The following AXIN1 variants were observed in gnomAD, a reference collection of about 807,000 sequenced individuals.
AXIN1 encodes axin 1, also known as axin-1.
AXIN1 carries 30 observed loss-of-function variants against 76.4 expected under a neutral mutation model. The observed-to-expected ratio is 0.39, with a 90% CI of 0.29 to 0.53. AXIN1 has a LOEUF of 0.53. AXIN1 is among the 20% of genes least tolerant of loss of function. AXIN1 has a pLI of 0.66. For missense variants in AXIN1, 1,140 were observed against 1,198.8 expected, an observed-to-expected ratio of 0.95 and a Z score of 0.72; for synonymous variants, 545 against 501.4, an observed-to-expected ratio of 1.09 and a Z score of -1.16.
Position 288,182 on chromosome 16 carries a change from G to C in AXIN1, c.2529C>G (p.Asp843Glu), listed in dbSNP as rs775437317. ...CGVVFEEVRE[D>E]EAVLPVFEEK... is the part of the protein sequence containing the mutation. ...CCTCAAAGACGGGCAGGACGGCCTC[G>C]TCCTCTCGAACCTCCTCAAACACCA... is the stretch of plus-strand genomic sequence containing the variant. The change falls in exon 11 of 11, where the codon GAC becomes GAG. Residue 843 changes from aspartate to glutamate, a missense_variant. Around this residue, in one of 3 missense-constraint regions of AXIN1, gnomAD observed 429 missense variants for 405.8 expected, o/e 1.06. Transcript: ENST00000262320. 2.5e-6 allele frequency: 4 copies of C among 1,613,702 alleles called. No individual in the cohort carries two copies. The East Asian group carries it at 8.9e-5, about 36-fold the overall frequency.
In AXIN1 at chr16:333,492, A is replaced by G. The variant is rs538013220; in HGVS notation, c.878+12656T>C. Among the ~76,000 whole-genome samples the G allele has an allele frequency of 1.5e-3, 227 of 152,024 alleles. 1 individual carries two copies. The highest frequency in any genetic ancestry group is 2.8e-3 in the Non-Finnish European group (193 of 68,018). On this transcript the variant is annotated intron_variant, in intron 2 of 10. Coordinates refer to ENST00000262320, the MANE Select transcript of AXIN1 (RefSeq NM_003502.4). ...ATTTAAACTCCAGAATTAAAGGACAAGTTTCTTCAGCACGATGAAAGAAAA... is the reference window on the plus strand; with the variant it reads ...ATTTAAACTCCAGAATTAAAGGACAGGTTTCTTCAGCACGATGAAAGAAAA...
intron 2 of AXIN1, among the ~76,000 whole-genome samples, chr16:338,494 G>C (rs1297064501): frequency 6.6e-6 from 1 of 152,282 alleles, no homozygotes; most frequent in East Asian, 1.9e-4. Flanking sequence ...CTCGGTTCCA[G>C]AATCCTTTGG....
intron 2 of AXIN1, among the ~76,000 whole-genome samples, chr16:341,493 C>T (rs2053919825): frequency 1.3e-5 from 2 of 152,276 alleles, no homozygotes; most frequent in African/African-American, 4.8e-5. Flanking sequence ...TCTTAACTGC[C>T]TTCCTGCAGG....
At position 291,182 on chromosome 16, in the gene AXIN1, G is replaced by A. The variant is rs118063900; in HGVS notation, c.2294+8C>T. ...GCAGGACCGGGAGGACCCTCAGGAC[G>A]CACGTACTCTGTCTCGGAGAGCTCC... is the stretch of plus-strand genomic sequence containing the variant. On this transcript the variant is annotated splice_region_variant and intron_variant, in intron 9 of 10. Coordinates refer to ENST00000262320, the MANE Select transcript of AXIN1 (RefSeq NM_003502.4). The A allele has an allele frequency of 0.028, 44,688 of 1,572,316 alleles. 756 individuals are homozygous for A. Among genetic ancestry groups the A allele is most frequent in the Middle Eastern group, 0.043 (257 of 5,994 alleles).
At chr16:304,693 CCTGG>C (rs2052971709) in intron 4 of AXIN1, among the ~76,000 whole-genome samples, 1 of 152,056 alleles carries the variant, frequency 6.6e-6, no homozygotes, top group South Asian at 2.1e-4. Flanking sequence ...CGCCACCACG[CCTGG>C]CTAATTTTTG....
chr16:339,678 TAA>T (rs775195360), intron 2 of AXIN1, among the ~76,000 whole-genome samples: 3 of 137,288 alleles, frequency 2.2e-5, no homozygotes, highest in Non-Finnish European at 3.2e-5. Flanking sequence ...CAAGACTGTC[TAA>T]AAAAAAAAAA....
chr16:324,697 A>AG (rs997712736), intron 2 of AXIN1, among the ~76,000 whole-genome samples: 1 of 152,184 alleles, frequency 6.6e-6, no homozygotes, highest in South Asian at 2.1e-4. Context: ...CAGGAGGAGG[A>AG]GGGGCACCCC....
intron 5 of AXIN1, among the ~76,000 whole-genome samples, chr16:300,368 C>CTT (rs35422382): frequency 1.3e-4 from 20 of 149,194 alleles, no homozygotes; most frequent in African/African-American, 4.2e-4. Context: ...TTTTCTTTTT[C>CTT]TTTTTTTTTT....
chr16:289,212 A>AG (rs1418759687), intron 10 of AXIN1, among the ~76,000 whole-genome samples: 1 of 152,050 alleles, frequency 6.6e-6, no homozygotes, highest in African/African-American at 2.4e-5. Context: ...CAGCCTCCCA[A>AG]GTAGCACACC....
At position 293,712 on chromosome 16, in the gene AXIN1, C is replaced by G. The variant is rs746070749; in HGVS notation, c.1962G>C (p.Ser654=). Residue 654 remains serine, a synonymous_variant, in exon 8 of 11, where the codon TCG becomes TCC. Coordinates refer to ENST00000262320, the MANE Select transcript of AXIN1 (RefSeq NM_003502.4). This position sits in a 1 kb window ranked among gnomAD's most constrained non-coding sequence, Gnocchi z 4.6. ...SRHRRTGHGS[S]GTRKPQPHEN... ...CATGGGGCTGTGGCTTCCTCGTCCC[C>G]GAAGACCTTGGGGAACAAGAGAACA... 1.9e-6 allele frequency: 3 copies of G among 1,613,300 alleles called. No homozygotes were observed. The highest frequency in any genetic ancestry group is 1.3e-5 in the African/African-American group (1 of 74,876).
intron 2 of AXIN1, among the ~76,000 whole-genome samples, chr16:317,112 C>T (rs564862316): frequency 2.0e-5 from 3 of 152,186 alleles, no homozygotes; most frequent in East Asian, 3.9e-4. Context: ...ACCTGATGAA[C>T]AGAACCTAGG....
chr16:328,049 C>G (rs1223755033), intron 2 of AXIN1, among the ~76,000 whole-genome samples: 1 of 152,014 alleles, frequency 6.6e-6, no homozygotes, highest in Non-Finnish European at 1.5e-5. Flanking sequence ...AGTTCAAGAC[C>G]CACCTGAGTG....
At chr16:288,961 T>C (rs1301483711) in intron 10 of AXIN1, among the ~76,000 whole-genome samples, 1 of 152,236 alleles carries the variant, frequency 6.6e-6, no homozygotes, top group African/African-American at 2.4e-5. Flanking sequence ...GGGGGTCCCT[T>C]TGGACCCTCT....
Position 289,576 on chromosome 16 carries a change from T to C in AXIN1, c.2326A>G (p.Ser776Gly), listed in dbSNP as rs575851492. 6.2e-7 allele frequency: 1 copy of C among 1,612,882 alleles called. No homozygotes were observed. The highest frequency in any genetic ancestry group is 8.5e-7 in the Non-Finnish European group (1 of 1,179,980). ...TRSQRKVGGGSAQPCDSIVVA... is the reference protein window; with the variant it reads ...TRSQRKVGGGGAQPCDSIVVA... ...ACGATGCTGTCACACGGCTGGGCAC[T>C]CCCGCCGCCCACCTTCCTCTGCGAT... The change falls in exon 10 of 11, where the codon AGT becomes GGT. Residue 776 changes from serine (S) to glycine (G), a missense_variant. Transcript: ENST00000262320.
intron 5 of AXIN1, among the ~76,000 whole-genome samples, chr16:303,192 G>A (rs759447110): frequency 6.6e-6 from 1 of 152,046 alleles, no homozygotes; most frequent in African/African-American, 2.4e-5. Context: ...GAGACGACCA[G>A]GTGGGAAGGG....
Position 337,747 on chromosome 16 carries a change from C to G in AXIN1, c.878+8401G>C, listed in dbSNP as rs577639586. On this transcript the variant is annotated intron_variant, in intron 2 of 10. Coordinates refer to ENST00000262320, the MANE Select transcript of AXIN1 (RefSeq NM_003502.4). Reference sequence around the variant, plus strand: ...CCGTGGGCCGAGGCTGCAATCCACACAAGCCAGCGTTCAACTCCGGACAGG... The same window carrying G: ...CCGTGGGCCGAGGCTGCAATCCACAGAAGCCAGCGTTCAACTCCGGACAGG... Among the ~76,000 whole-genome samples the G allele has an allele frequency of 6.6e-5, 10 of 152,382 alleles. No homozygotes were observed. The South Asian group carries it at 2.1e-3, about 32-fold the overall frequency.
intron 2 of AXIN1, among the ~76,000 whole-genome samples, chr16:344,641 A>G (rs1242059742): frequency 6.6e-6 from 1 of 151,774 alleles, no homozygotes; most frequent in African/African-American, 2.4e-5. Flanking sequence ...GGCATGCGCC[A>G]ACTCGCCTAT....
chr16:289,979 G>C (rs1055193425), intron 9 of AXIN1: 8 of 378,620 alleles, frequency 2.1e-5, no homozygotes, highest in African/African-American at 1.7e-4. Context: ...CTGAAGGGCA[G>C]GGATTGGACA....
chr16:287,705 A>T lies in AXIN1; in HGVS notation c.*417T>A, dbSNP rs575819356. ...TTGAAGGCACTCGGTGGCGCGTACAATTGACAGAGGCCCTGCAGGCCTCTG... is the reference window on the plus strand; with the variant it reads ...TTGAAGGCACTCGGTGGCGCGTACATTTGACAGAGGCCCTGCAGGCCTCTG... On this transcript the variant is annotated 3_prime_UTR_variant, in exon 11 of 11. Coordinates refer to ENST00000262320, the MANE Select transcript of AXIN1 (RefSeq NM_003502.4). 7 of 352,972 alleles carry T rather than the reference A, an allele frequency of 2.0e-5. No homozygotes were observed. The highest frequency in any genetic ancestry group is 3.2e-5 in the Non-Finnish European group (6 of 187,168). The allele number at this position is 352,972 out of a possible 1,614,324, so 21.9% of individuals were successfully genotyped here.
Sources: gnomAD v4.1 joint callset for allele counts (sites outside exome capture counted in the v4.1 genomes callset) on GRCh38, gnomAD v4.1.1 for gene constraint, gnomAD v4.1.1 regional missense constraint, Gnocchi (gnomAD v3.1) non-coding constraint, MANE v1.5 for transcripts, NCBI Gene and HGNC (gene_info 2026-07-23, HGNC 2026-07-21) for gene names.